The following FRAS1 variants were observed in gnomAD, a reference collection of about 807,000 sequenced individuals.
The protein encoded by FRAS1 is Fraser extracellular matrix complex subunit 1, also known as extracellular matrix organizing protein FRAS1.
A neutral mutation model predicts 435.2 loss-of-function variants in FRAS1; 290 were observed. That is an observed-to-expected ratio of 0.67 (90% CI 0.61 to 0.73). The LOEUF (loss-of-function observed/expected upper bound fraction) is 0.73. FRAS1 is among the 30% of genes least tolerant of loss of function. The pLI is 0.00. For synonymous variants in FRAS1, 1,800 were observed against 1,851.0 expected (o/e 0.97, Z 0.71); for missense variants, 4,860 against 5,001.5 (o/e 0.97, Z 0.85).
At position 78,542,887 on chromosome 4, in the gene FRAS1, C is replaced by T. The variant is rs1259467994; in HGVS notation, c.*1763C>T. On this transcript the variant is annotated 3_prime_UTR_variant, in exon 74 of 74. Coordinates refer to ENST00000512123, the MANE Select transcript of FRAS1 (RefSeq NM_025074.7). The stretch of plus-strand genomic sequence containing the variant: ...TTCTCTACTTGGATTATGAGATAAC[C>T]TTTTCTTGGAGGAAAGAAACACCGC... 1 of 152,144 alleles carries T rather than the reference C, an allele frequency of 6.6e-6. No homozygotes were observed. The highest frequency in any genetic ancestry group is 1.9e-4 in the East Asian group (1 of 5,196). 9.4% of individuals were successfully genotyped at this position (152,144 alleles called of 1,614,324 possible).
rs147719256 is a variant in FRAS1 at position 78,537,176 on chromosome 4, C to A, written c.11274C>A (p.His3758Gln). The change falls in exon 72 of 74, where the codon CAC becomes CAA. Residue 3758 changes from histidine to glutamine, a missense_variant. Transcript: ENST00000512123. ...PQYGCIQPNKHLKHRFLLLDR... is the reference protein window; with the variant it reads ...PQYGCIQPNKQLKHRFLLLDR... ...ATGGATGCATTCAGCCAAACAAACA[C>A]CTAAAACACAGATTCCTGCTGTTGG... The A allele has an allele frequency of 9.5e-5, 154 of 1,613,922 alleles. No homozygotes were observed. In the African/African-American group the frequency reaches 2.0e-3, roughly 21 times the overall value.
chr4:78,205,020 C>T (rs768144018), intron 2 of FRAS1, among the ~76,000 whole-genome samples: 16 of 152,082 alleles, frequency 1.1e-4, no homozygotes, highest in Non-Finnish European at 1.5e-5. Context: ...TTCCTAAGCT[C>T]CAGGGGACTT....
intron 2 of FRAS1, among the ~76,000 whole-genome samples, chr4:78,172,089 C>A (rs948868706): frequency 6.6e-6 from 1 of 152,056 alleles, no homozygotes; most frequent in Non-Finnish European, 1.5e-5. Flanking sequence ...TCCCTCTGAC[C>A]TTCTCTCTCC....
intron 2 of FRAS1, among the ~76,000 whole-genome samples, chr4:78,219,362 T>A (rs1723944662): frequency 6.6e-6 from 1 of 152,144 alleles, no homozygotes; most frequent in African/African-American, 2.4e-5. Context: ...ATATTAAAAC[T>A]TTTTTAAGAC....
intron 2 of FRAS1, among the ~76,000 whole-genome samples, chr4:78,090,364 C>T (rs1182333988): frequency 6.6e-6 from 1 of 152,108 alleles, no homozygotes; most frequent in East Asian, 1.9e-4. Context: ...ACTTTGAGAG[C>T]CAGTTGAGTA....
At chr4:78,129,070 T>G (rs546824710) in intron 2 of FRAS1, among the ~76,000 whole-genome samples, 1 of 152,220 alleles carries the variant, frequency 6.6e-6, no homozygotes, top group Non-Finnish European at 1.5e-5. Flanking sequence ...GTTGTAGATA[T>G]GCGGCATTAT....
intron 71 of FRAS1, among the ~76,000 whole-genome samples, chr4:78,534,943 T>C (rs191469722): frequency 6.6e-6 from 1 of 152,316 alleles, no homozygotes; most frequent in East Asian, 1.9e-4. Context: ...CAAATCCCAT[T>C]GCCTCCCAGT....
At position 78,183,317 on chromosome 4, in the gene FRAS1, G is replaced by A. The variant is rs183869845; in HGVS notation, c.109-54193G>A. The stretch of plus-strand genomic sequence containing the variant: ...GGCAGGTATTTTAATTCCCAGGAAA[G>A]CAAAGTCTCCAACCACAAGAACAAA... On this transcript the variant is annotated intron_variant, in intron 2 of 73. Transcript: ENST00000512123. 5.3e-5 allele frequency among the ~76,000 whole-genome samples: 8 copies of A among 152,296 alleles called. No individual in the cohort carries two copies. In the East Asian group the frequency reaches 1.4e-3, roughly 26 times the overall value.
At chr4:78,416,993 A>G (rs1181858728) in intron 32 of FRAS1, among the ~76,000 whole-genome samples, 2 of 151,714 alleles carry the variant, frequency 1.3e-5, no homozygotes, top group Non-Finnish European at 2.9e-5. Flanking sequence ...GTTGACAGAT[A>G]TACTATTTTT....
chr4:78,383,941 C>A, intron 27 of FRAS1, 118 bp from the exon 28 acceptor site: 1 of 680,264 alleles, frequency 1.5e-6, no homozygotes, highest in Non-Finnish European at 2.5e-6. Context: ...GACATTACTG[C>A]AGCAGTTTGA....
chr4:78,434,134 G>A (rs549369772), intron 38 of FRAS1, among the ~76,000 whole-genome samples: 1 of 152,188 alleles, frequency 6.6e-6, no homozygotes, highest in African/African-American at 2.4e-5. Context: ...GATTGGAAAA[G>A]CCATCTGAAA....
At chr4:78,287,444 C>T (rs1209990705) in intron 14 of FRAS1, among the ~76,000 whole-genome samples, 29 of 152,122 alleles carry the variant, frequency 1.9e-4, no homozygotes, top group Admixed American at 1.9e-3. Flanking sequence ...GAAACTAAGG[C>T]AGGGTGTGTA....
intron 2 of FRAS1, among the ~76,000 whole-genome samples, chr4:78,128,857 A>G (rs1719525526): frequency 6.6e-6 from 1 of 152,138 alleles, no homozygotes; most frequent in South Asian, 2.1e-4. Flanking sequence ...GGTATTGCCT[A>G]GGTTTTCTTC....
chr4:78,466,421 G>T lies in FRAS1; in HGVS notation c.7243G>T (p.Glu2415Ter). ...GACAAACCCCTTCTTTATCATTGAG[G>T]AAGGGGGAAAAGAGGTGAGGGGTGA... Reference protein sequence around the residue: ...DGTNPFFIIEEGGKEIMTAAP... With the variant: ...DGTNPFFIIE Residue 2415 changes from glutamate (E) to a stop codon, truncating the protein, a stop_gained, in exon 50 of 74, where the codon GAA (glutamate) becomes TAA (stop). Transcript: ENST00000512123. LOFTEE classifies it high-confidence loss of function. 6 of 1,613,300 alleles carry T rather than the reference G, an allele frequency of 3.7e-6. No homozygotes were observed. Among genetic ancestry groups the T allele is most frequent in the Non-Finnish European group, 5.1e-6 (6 of 1,179,540 alleles).
chr4:78,303,360 T>C (rs1460235576), intron 14 of FRAS1, among the ~76,000 whole-genome samples: 2 of 152,222 alleles, frequency 1.3e-5, no homozygotes, highest in Non-Finnish European at 2.9e-5. Flanking sequence ...TGGTTCCATA[T>C]GAACTTTAAA....
chr4:78,264,448 G>A (rs6855457), intron 6 of FRAS1, among the ~76,000 whole-genome samples: 143,080 of 152,266 alleles, frequency 0.94, 67,732 homozygotes, highest in Non-Finnish European at 1. Context: ...ATAAATATGT[G>A]TCCATTCATG....
intron 18 of FRAS1, 58 bp from the exon 19 acceptor site, chr4:78,333,214 A>G: frequency 6.4e-7 from 1 of 1,551,524 alleles, no homozygotes; most frequent in Non-Finnish European, 8.7e-7. Context: ...AGATAGAGTT[A>G]CTGTCTGTGT....
At chr4:78,528,550 G>T (rs1052895355) in intron 70 of FRAS1, among the ~76,000 whole-genome samples, 1 of 152,012 alleles carries the variant, frequency 6.6e-6, no homozygotes, top group Non-Finnish European at 1.5e-5. Context: ...ATCGCACTCC[G>T]CATGATGATT....
intron 29 of FRAS1, among the ~76,000 whole-genome samples, chr4:78,391,087 G>C (rs1420149220): frequency 6.6e-6 from 1 of 152,166 alleles, no homozygotes; most frequent in African/African-American, 2.4e-5. Flanking sequence ...AGTGAGGCTG[G>C]TGCCTGTGTT....
Sources: gnomAD v4.1 joint callset for allele counts (sites outside exome capture counted in the v4.1 genomes callset) on GRCh38, gnomAD v4.1.1 for gene constraint, MANE v1.5 for transcripts, NCBI Gene and HGNC (gene_info 2026-07-23, HGNC 2026-07-21) for gene names.